ERMARD: variants seen among roughly 807,000 people sequenced by gnomAD.
ERMARD encodes ER membrane associated RNA degradation.
ERMARD carries 71 observed loss-of-function variants against 83.9 expected under a neutral mutation model. The observed-to-expected ratio is 0.85, with a 90% CI of 0.70 to 1.03. ERMARD has a LOEUF of 1.03. Among genes scored for constraint, ERMARD ranks in the 50% least tolerant of loss-of-function variants. The probability of loss-of-function intolerance (pLI) is 0.00; values close to 1 mark genes in which losing one functional copy is unlikely to be tolerated. For synonymous variants in ERMARD, 284 were observed against 298.6 expected, an observed-to-expected ratio of 0.95 and a Z score of 0.50; for missense variants, 838 against 810.9, an observed-to-expected ratio of 1.03 and a Z score of -0.41.
rs200063598 is a variant in ERMARD at position 169,766,654 on chromosome 6, C to A, written c.977C>A (p.Thr326Asn). 6.3e-7 allele frequency: 1 copy of A among 1,578,554 alleles called. No homozygotes were observed. The highest frequency in any genetic ancestry group is 1.7e-4 in the Middle Eastern group (1 of 5,830). ...TTTCTGAAGTCAACAGCTCTTTATACCACCTTTGATCAAGTAAGTAAGTAA... is the reference window on the plus strand; with the variant it reads ...TTTCTGAAGTCAACAGCTCTTTATAACACCTTTGATCAAGTAAGTAAGTAA... ...LLTAESTALY[T>N]TFDQILAKHL... The change falls in exon 10 of 18, where the codon ACC becomes AAC. Residue 326 changes from threonine (T) to asparagine (N), a missense_variant. Thr to Asn is a moderately conservative substitution (Grantham distance 65). Transcript: ENST00000366773.
In ERMARD at chr6:169,776,527, A is replaced by G; in HGVS notation, c.1593A>G (p.Glu531=). Residue 531 remains glutamate (E), a synonymous_variant, in exon 16 of 18, where the codon GAA becomes GAG. Transcript: ENST00000366773. ...TGTTCTGCCCCAGGATTGTGCTGGA[A>G]GTGCTGGTTGTGCTCCGAAGCATCA... The part of the protein sequence containing the change: ...PTLFCPRIVL[E]VLVVLRSISE... 6.2e-7 allele frequency: 1 copy of G among 1,614,206 alleles called. No homozygotes were observed. Among genetic ancestry groups the G allele is most frequent in the Non-Finnish European group, 8.5e-7 (1 of 1,180,040 alleles).
intron 9 of ERMARD, 114 bp downstream of exon 9, chr6:169,762,645 T>G (rs1791701113): frequency 1.2e-6 from 1 of 837,706 alleles, no homozygotes; most frequent in Non-Finnish European, 1.9e-6. Flanking sequence ...TGATTTTAAT[T>G]TAGCTAAGAA....
chr6:169,754,074 A>G (rs774814332), intron 2 of ERMARD, 42 bp downstream of exon 2: 2 of 1,551,424 alleles, frequency 1.3e-6, no homozygotes, highest in Non-Finnish European at 1.8e-6. Flanking sequence ...TAACTGTCCC[A>G]TTGAAAATGT....
chr6:169,763,646 CT>C (rs958724385), intron 9 of ERMARD, among the ~76,000 whole-genome samples: 1 of 152,230 alleles, frequency 6.6e-6, no homozygotes, highest in Admixed American at 6.5e-5. Flanking sequence ...CTTTTTGCCC[CT>C]CTTTGTAGGC....
chr6:169,752,252 G>T (rs190937727), intron 1 of ERMARD, among the ~76,000 whole-genome samples: 4 of 152,324 alleles, frequency 2.6e-5, no homozygotes, highest in Non-Finnish European at 5.9e-5. Flanking sequence ...CCATTTTTGA[G>T]TACTATGTGC....
chr6:169,780,367 A>G (rs1038044113), intron 17 of ERMARD, among the ~76,000 whole-genome samples: 18 of 152,212 alleles, frequency 1.2e-4, no homozygotes, highest in African/African-American at 4.1e-4. Flanking sequence ...TCCTCTAGAC[A>G]AAGTGTCTGT....
Position 169,776,632 on chromosome 6 carries a change from G to A in ERMARD, c.1698G>A (p.Leu566=), listed in dbSNP as rs957458254. 6.2e-7 allele frequency: 1 copy of A among 1,614,072 alleles called. No homozygotes were observed. Among genetic ancestry groups the A allele is most frequent in the Non-Finnish European group, 8.5e-7 (1 of 1,180,060 alleles). ...ACAGGCAGTGGGTGGAAAGGACGCT[G>A]CGGTCTCGCCAGCGGCAGAACTACC... ...LRHRQWVERT[L]RSRQRQNYLR... is the part of the protein sequence containing the mutation. Residue 566 remains leucine, a synonymous_variant, in exon 16 of 18, where the codon CTG becomes CTA. Coordinates refer to ENST00000366773, the MANE Select transcript of ERMARD (RefSeq NM_018341.3).
chr6:169,760,498 T>C, intron 7 of ERMARD, 144 bp from the exon 8 acceptor site: 1 of 621,630 alleles, frequency 1.6e-6, no homozygotes, highest in South Asian at 2.1e-5. Context: ...AGGGCAATCC[T>C]ACTCTCTAAC....
intron 6 of ERMARD, 64 bp downstream of exon 6, chr6:169,759,129 G>T: frequency 1.5e-6 from 2 of 1,347,730 alleles, no homozygotes; most frequent in Non-Finnish European, 2.1e-6. Flanking sequence ...TTTAAATTTT[G>T]AATTTCATGA....
At position 169,768,065 on chromosome 6, in the gene ERMARD, G is replaced by A. The variant is rs755055502; in HGVS notation, c.991-38G>A. The A allele has an allele frequency of 3.9e-6, 6 of 1,535,822 alleles. No individual in the cohort carries two copies. The South Asian group carries it at 6.7e-5, about 17-fold the overall frequency. ...GAAAGTTCTGTATGTTTATGTATGG[G>A]GACCAGTTAACCAATGTATTTATTT... On this transcript the variant is annotated intron_variant, in intron 10 of 17. Transcript: ENST00000366773.
intron 7 of ERMARD, among the ~76,000 whole-genome samples, chr6:169,760,295 T>G (rs1401967488): frequency 6.6e-6 from 1 of 152,232 alleles, no homozygotes; most frequent in Non-Finnish European, 1.5e-5. Flanking sequence ...TTACCTCTTG[T>G]GTCTTTGTAC....
At chr6:169,757,548 T>G (rs1008622707) in intron 5 of ERMARD, among the ~76,000 whole-genome samples, 5 of 152,104 alleles carry the variant, frequency 3.3e-5, no homozygotes, top group African/African-American at 1.2e-4. Context: ...TGGAAAAAAA[T>G]TCAGATGTTA....
At chr6:169,780,898 A>C (rs1220917780) in intron 17 of ERMARD, among the ~76,000 whole-genome samples, 1 of 152,162 alleles carries the variant, frequency 6.6e-6, no homozygotes, top group Non-Finnish European at 1.5e-5. Flanking sequence ...CGAAACCCAC[A>C]TGTTCAGGGG....
chr6:169,766,140 C>T (rs530860477), intron 9 of ERMARD, among the ~76,000 whole-genome samples: 1 of 152,210 alleles, frequency 6.6e-6, no homozygotes, highest in Non-Finnish European at 1.5e-5. Context: ...AATCGGTTGC[C>T]TGTAGGTTTC....
At chr6:169,769,443 C>G in intron 11 of ERMARD, 97 bp from the exon 12 acceptor site, 1 of 1,187,500 alleles carries the variant, frequency 8.4e-7, no homozygotes, top group Non-Finnish European at 1.1e-6. Flanking sequence ...CTTCAGAGGA[C>G]TTGATGGATG....
At chr6:169,758,822 G>A (rs1791150695) in intron 5 of ERMARD, 146 bp from the exon 6 acceptor site, 4 of 623,264 alleles carry the variant, frequency 6.4e-6, no homozygotes, top group Non-Finnish European at 8.3e-6. Context: ...TAAACACTCA[G>A]TAAATGTTGG....
At chr6:169,773,238 C>G in intron 12 of ERMARD, 81 bp from the exon 13 acceptor site, 2 of 1,113,832 alleles carry the variant, frequency 1.8e-6, no homozygotes, top group Non-Finnish European at 2.6e-6. Flanking sequence ...GAAATGGGGA[C>G]TCTAAGTGGC....
chr6:169,760,262 A>C (rs553174139), intron 7 of ERMARD, among the ~76,000 whole-genome samples: 1 of 152,170 alleles, frequency 6.6e-6, no homozygotes, highest in African/African-American at 2.4e-5. Context: ...AGGCTGTTGT[A>C]TGATGTACAT....
intron 17 of ERMARD, among the ~76,000 whole-genome samples, chr6:169,780,228 C>T (rs565746604): frequency 5.3e-5 from 8 of 152,074 alleles, no homozygotes; most frequent in Non-Finnish European, 7.4e-5. Context: ...CATTGTAGGA[C>T]GCTCAGTAGC....
Sources: gnomAD v4.1 joint callset for allele counts (sites outside exome capture counted in the v4.1 genomes callset) on GRCh38, gnomAD v4.1.1 for gene constraint, MANE v1.5 for transcripts, NCBI Gene and HGNC (gene_info 2026-07-23, HGNC 2026-07-21) for gene names.